Variants in COL24A1 observed in about 807,000 individuals in gnomAD.
COL24A1 encodes the protein collagen type XXIV alpha 1 chain, also known as collagen alpha-1(XXIV) chain.
A neutral mutation model predicts 253.9 loss-of-function variants in COL24A1; 224 were observed. That is an observed-to-expected ratio of 0.88 (90% confidence interval 0.79 to 0.99). The LOEUF (loss-of-function observed/expected upper bound fraction) is 0.99, where lower values mean the gene tolerates loss of function less well. Ranked by LOEUF, COL24A1 falls within the 50% of genes least tolerant of loss-of-function variation. COL24A1 has a pLI of 0.00. For missense variants in COL24A1, 2,131 were observed against 2,068.5 expected, an observed-to-expected ratio of 1.03 and a Z score of -0.59; for synonymous variants, 685 against 673.7, an observed-to-expected ratio of 1.02 and a Z score of -0.26.
intron 32 of COL24A1, among the ~76,000 whole-genome samples, chr1:85,877,747 C>T (rs1030300782): frequency 6.6e-6 from 1 of 152,154 alleles, no homozygotes; most frequent in Non-Finnish European, 1.5e-5. Context: ...TTCTTTAATG[C>T]ACTCATTCAT....
chr1:85,812,868 C>A lies in COL24A1; in HGVS notation c.3951+3920G>T, dbSNP rs1304013631. On this transcript the variant is annotated intron_variant, in intron 47 of 59. Transcript: ENST00000370571. ...TTCACCAAGGTTGATCTGGCTACCA[C>A]CCCTGGTGACTGCCAAACCTGCCAA... Among the ~76,000 whole-genome samples the A allele has an allele frequency of 2.0e-5, 3 of 152,162 alleles. 1 individual carries two copies. Among genetic ancestry groups the A allele is most frequent in the Middle Eastern group, 6.3e-3 (2 of 316 alleles).
Position 85,730,654 on chromosome 1 carries a change from A to T in COL24A1, c.5037T>A (p.Phe1679Leu). ...GAAGTTGATTAGGTTCCTGGGTGTG[A>T]AAAAGAAATGTTGCCTTATGCCAGC... ...DGSWHKATFLFHTQEPNQLPV... is the reference protein window; with the variant it reads ...DGSWHKATFLLHTQEPNQLPV... Residue 1679 changes from phenylalanine to leucine, a missense_variant, in exon 60 of 60, where the codon TTT (phenylalanine) becomes TTA (leucine). By Grantham distance (22) the Phe-to-Leu change is conservative (BLOSUM62 0). Transcript: ENST00000370571. The T allele has an allele frequency of 3.1e-6, 5 of 1,614,028 alleles. No individual in the cohort carries two copies. Among genetic ancestry groups the T allele is most frequent in the Non-Finnish European group, 4.2e-6 (5 of 1,179,904 alleles).
intron 19 of COL24A1, among the ~76,000 whole-genome samples, chr1:86,008,903 A>C (rs1696233533): frequency 9.7e-6 from 1 of 103,246 alleles, no homozygotes; most frequent in Non-Finnish European, 2.0e-5. Flanking sequence ...CAACAAAAAA[A>C]TAAAATGCTT....
chr1:86,058,409 T>A (rs1056208618), intron 9 of COL24A1, among the ~76,000 whole-genome samples: 3 of 151,088 alleles, frequency 2.0e-5, no homozygotes, highest in Non-Finnish European at 4.4e-5. Flanking sequence ...ATATTATCAC[T>A]TGAGAGTAAG....
intron 55 of COL24A1, among the ~76,000 whole-genome samples, chr1:85,760,989 G>A (rs1231384798): frequency 6.6e-6 from 1 of 152,066 alleles, no homozygotes; most frequent in East Asian, 1.9e-4. Context: ...CAGCAACTGA[G>A]AAAGATTTGA....
chr1:86,122,207 C>T (rs1221235663), intron 3 of COL24A1, among the ~76,000 whole-genome samples: 5 of 152,034 alleles, frequency 3.3e-5, no homozygotes, highest in African/African-American at 1.2e-4. Flanking sequence ...TTTGACTTCT[C>T]TGTCTCTTTT....
chr1:86,044,025 G>A (rs1699712619), intron 12 of COL24A1, among the ~76,000 whole-genome samples: 1 of 152,094 alleles, frequency 6.6e-6, no homozygotes, highest in East Asian at 1.9e-4. Context: ...ACAATTGATA[G>A]TACACATAAT....
chr1:86,087,356 C>T (rs1278517082), intron 7 of COL24A1, among the ~76,000 whole-genome samples: 4 of 152,084 alleles, frequency 2.6e-5, no homozygotes, highest in Non-Finnish European at 2.9e-5. Context: ...AACATGTACA[C>T]GGGTCTCTGA....
chr1:86,023,912 G>A (rs1697784246), intron 14 of COL24A1, among the ~76,000 whole-genome samples: 1 of 151,706 alleles, frequency 6.6e-6, no homozygotes, highest in Non-Finnish European at 1.5e-5. Flanking sequence ...TCTTTATAAT[G>A]GAAATCCAAG....
At chr1:85,875,113 G>C (rs1424397817) in intron 34 of COL24A1, among the ~76,000 whole-genome samples, 164 bp downstream of exon 34, 1 of 152,130 alleles carries the variant, frequency 6.6e-6, no homozygotes, top group African/African-American at 2.4e-5. Flanking sequence ...AAATAGGTTG[G>C]GGACTGCTGT....
At chr1:86,150,395 A>G (rs1652588070) in intron 1 of COL24A1, among the ~76,000 whole-genome samples, 1 of 152,202 alleles carries the variant, frequency 6.6e-6, no homozygotes, top group African/African-American at 2.4e-5. Flanking sequence ...GGAAATGATC[A>G]AAAGTATTAT....
chr1:86,052,435 T>C (rs1055906940), intron 10 of COL24A1, among the ~76,000 whole-genome samples: 3 of 152,062 alleles, frequency 2.0e-5, no homozygotes, highest in African/African-American at 4.8e-5. Flanking sequence ...TGCCACAACA[T>C]AGATGGACCT....
chr1:86,122,687 G>T (rs1156747178), intron 3 of COL24A1, among the ~76,000 whole-genome samples: 2 of 151,686 alleles, frequency 1.3e-5, no homozygotes, highest in Non-Finnish European at 2.9e-5. Context: ...TGGTCCCTAG[G>T]TCCCATTAAT....
intron 47 of COL24A1, among the ~76,000 whole-genome samples, chr1:85,810,075 AC>A (rs77380572): frequency 0.49 from 73,633 of 151,548 alleles, 18,234 homozygotes; most frequent in South Asian, 0.6. Context: ...ACTGGCTATG[AC>A]CCCTGCTGAT....
chr1:85,990,707 C>G (rs1359021681), intron 19 of COL24A1, among the ~76,000 whole-genome samples: 1 of 152,104 alleles, frequency 6.6e-6, no homozygotes, highest in East Asian at 1.9e-4. Context: ...GAAGAGGATC[C>G]CCTCGGCCAG....
chr1:85,841,195 C>T, intron 42 of COL24A1, 27 bp downstream of exon 42: 1 of 1,538,796 alleles, frequency 6.5e-7, no homozygotes, highest in Non-Finnish European at 8.9e-7. Context: ...TCTTGAATAA[C>T]CAGAATTATT....
At chr1:86,120,898 T>G (rs181418428) in intron 3 of COL24A1, among the ~76,000 whole-genome samples, 126 of 152,244 alleles carry the variant, frequency 8.3e-4, no homozygotes, top group African/African-American at 2.9e-3. Flanking sequence ...AACCCAAATG[T>G]CCAGCAATGA....
intron 1 of COL24A1, among the ~76,000 whole-genome samples, chr1:86,149,009 C>T (rs1343521574): frequency 6.6e-6 from 1 of 152,096 alleles, no homozygotes. Flanking sequence ...TCTCCAGCAC[C>T]TGTTGTTTCC....
intron 37 of COL24A1, among the ~76,000 whole-genome samples, chr1:85,853,057 A>C (rs1677975722): frequency 6.6e-6 from 1 of 152,162 alleles, no homozygotes; most frequent in African/African-American, 2.4e-5. Flanking sequence ...GTGTACAGAT[A>C]ATTTTGTCAC....
Sources: allele counts gnomAD v4.1 joint callset (sites outside exome capture counted in the v4.1 genomes callset), GRCh38; gene constraint gnomAD v4.1.1; transcripts MANE v1.5; gene names NCBI Gene and HGNC (gene_info 2026-07-23, HGNC 2026-07-21).